PCDH15: variants seen among roughly 807,000 people sequenced by gnomAD.
PCDH15 encodes protocadherin related 15, also known as protocadherin-15.
PCDH15 carries 129 observed loss-of-function variants against 178.5 expected under a neutral mutation model. The ratio of observed to expected loss-of-function variants is 0.72; its 90% CI spans 0.63 to 0.84. The LOEUF is 0.84. PCDH15 is among the 40% of genes least tolerant of loss of function. The probability of loss-of-function intolerance (pLI) is 0.00; values close to 1 mark genes in which losing one functional copy is unlikely to be tolerated. For missense variants in PCDH15, 2,230 were observed against 2,099.9 expected (o/e 1.06, Z -1.21); for synonymous variants, 800 against 732.0 (o/e 1.09, Z -1.50).
At chr10:55,211,565 C>T (rs1308993067) in intron 1 of PCDH15, among the ~76,000 whole-genome samples, 1 of 151,940 alleles carries the variant, frequency 6.6e-6, no homozygotes, top group Non-Finnish European at 1.5e-5. Context: ...CTCTCTCTAC[C>T]CAAATATTGC....
chr10:54,852,866 A>C (rs1953649285), intron 3 of PCDH15, among the ~76,000 whole-genome samples: 1 of 150,650 alleles, frequency 6.6e-6, no homozygotes, highest in Non-Finnish European at 1.5e-5. Context: ...AAAATAAAAT[A>C]AAATAAAATA....
At chr10:55,544,773 C>A (rs886667817) in intron 2 of PCDH15, among the ~76,000 whole-genome samples, 1 of 152,078 alleles carries the variant, frequency 6.6e-6, no homozygotes, top group Non-Finnish European at 1.5e-5. Flanking sequence ...TGTGTGTGCA[C>A]ATATGCAGAC....
At chr10:54,064,382 AC>A (rs1216971834) in intron 18 of PCDH15, among the ~76,000 whole-genome samples, 1 of 152,054 alleles carries the variant, frequency 6.6e-6, no homozygotes, top group East Asian at 1.9e-4. Flanking sequence ...CGGTAAAAGC[AC>A]CGTAAGTTTT....
At chr10:55,401,311 T>C (rs571275966) in intron 2 of PCDH15, among the ~76,000 whole-genome samples, 3 of 151,988 alleles carry the variant, frequency 2.0e-5, no homozygotes, top group African/African-American at 7.2e-5. Flanking sequence ...CTGGGCAGCC[T>C]GGTAAACCTA....
intron 2 of PCDH15, among the ~76,000 whole-genome samples, chr10:55,460,528 G>A (rs1442514138): frequency 7.2e-5 from 11 of 151,790 alleles, no homozygotes; most frequent in Admixed American, 6.6e-4. Context: ...ATTTTTCACC[G>A]GACGCGTTTT....
chr10:54,498,272 C>G (rs779512122), intron 3 of PCDH15, among the ~76,000 whole-genome samples: 1 of 152,062 alleles, frequency 6.6e-6, no homozygotes, highest in Non-Finnish European at 1.5e-5. Context: ...GAAATTGTAA[C>G]CACCAGACCT....
chr10:54,332,819 A>G (rs1362243539), intron 6 of PCDH15, among the ~76,000 whole-genome samples: 1 of 152,138 alleles, frequency 6.6e-6, no homozygotes, highest in Non-Finnish European at 1.5e-5. Context: ...AATAATAGTT[A>G]TTAGTGACTT....
At chr10:55,141,121 T>C (rs1483728583) in intron 2 of PCDH15, among the ~76,000 whole-genome samples, 3 of 152,064 alleles carry the variant, frequency 2.0e-5, no homozygotes. Flanking sequence ...CTTTCAGCTA[T>C]TATTTATTTG....
At chr10:54,974,651 C>T (rs1839021790) in intron 2 of PCDH15, among the ~76,000 whole-genome samples, 1 of 151,912 alleles carries the variant, frequency 6.6e-6, no homozygotes, top group African/African-American at 2.4e-5. Context: ...CTTTTGATCT[C>T]AGTAAAATAA....
intron 2 of PCDH15, among the ~76,000 whole-genome samples, chr10:54,590,469 TAGAATAC>T (rs2091810953): frequency 1.3e-5 from 2 of 152,186 alleles, no homozygotes; most frequent in Admixed American, 1.3e-4. Flanking sequence ...AATGGTTATT[TAGAATAC>T]AGAGGTTTAC....
At chr10:54,932,250 T>A (rs1837797816) in intron 2 of PCDH15, among the ~76,000 whole-genome samples, 1 of 152,200 alleles carries the variant, frequency 6.6e-6, no homozygotes, top group Non-Finnish European at 1.5e-5. Context: ...CATGAAAACT[T>A]TCTAGTGGGA....
intron 3 of PCDH15, among the ~76,000 whole-genome samples, chr10:54,435,810 G>A (rs150093517): frequency 0.019 from 2,866 of 151,610 alleles, 96 homozygotes; most frequent in African/African-American, 0.066. Context: ...TTCTACTAAA[G>A]ACACAAAAAA....
chr10:55,107,293 G>A (rs1688296374), intron 2 of PCDH15, among the ~76,000 whole-genome samples: 1 of 152,100 alleles, frequency 6.6e-6, no homozygotes, highest in African/African-American at 2.4e-5. Flanking sequence ...GTCTGCTGCT[G>A]GTTGATTACA....
chr10:54,478,497 C>G lies in PCDH15; in HGVS notation c.157+49315G>C, dbSNP rs73255951. Among the ~76,000 whole-genome samples, 927 of 152,188 alleles carry G rather than the reference C, an allele frequency of 6.1e-3. 15 individuals carry two copies. Among genetic ancestry groups the G allele is most frequent in the African/African-American group, 0.021 (891 of 41,542 alleles). ...ATTGCCAAGTTTGAAACTGAATGCT[C>G]TATCTCATTCCTTTAAGCCAAATCT... On this transcript the variant is annotated intron_variant, in intron 3 of 37. Coordinates refer to ENST00000644397, the MANE Select transcript of PCDH15 (RefSeq NM_001384140.1).
chr10:54,220,389 G>C (rs2052642752), intron 9 of PCDH15, among the ~76,000 whole-genome samples: 1 of 152,094 alleles, frequency 6.6e-6, no homozygotes, highest in South Asian at 2.1e-4. Flanking sequence ...TAAATGACTA[G>C]GTCAGAAGTC....
intron 1 of PCDH15, among the ~76,000 whole-genome samples, chr10:54,795,637 G>A (rs945848913): frequency 1.8e-4 from 28 of 151,702 alleles, no homozygotes; most frequent in Admixed American, 2.6e-4. Context: ...AAAATACAAC[G>A]TGCAAGGCCA....
intron 2 of PCDH15, among the ~76,000 whole-genome samples, chr10:54,533,165 T>G (rs1227686599): frequency 6.6e-6 from 1 of 152,258 alleles, no homozygotes; most frequent in African/African-American, 2.4e-5. Context: ...GTGATGTTTT[T>G]GTAACCATAA....
At chr10:55,545,115 A>G (rs1343306284) in intron 2 of PCDH15, among the ~76,000 whole-genome samples, 1 of 152,164 alleles carries the variant, frequency 6.6e-6, no homozygotes, top group Non-Finnish European at 1.5e-5. Context: ...AAGGGGTCCA[A>G]GGAATCAAAT....
intron 3 of PCDH15, among the ~76,000 whole-genome samples, chr10:54,511,007 T>C (rs565853946): frequency 6.6e-5 from 10 of 152,296 alleles, no homozygotes; most frequent in African/African-American, 2.4e-4. Flanking sequence ...GTTAGCGTGC[T>C]TTCAGTTGGT....
Sources: gnomAD v4.1 joint callset for allele counts (sites outside exome capture counted in the v4.1 genomes callset) on GRCh38, gnomAD v4.1.1 for gene constraint, MANE v1.5 for transcripts, NCBI Gene and HGNC (gene_info 2026-07-23, HGNC 2026-07-21) for gene names.